The following KCNQ1 variants were observed in gnomAD, a reference collection of about 807,000 sequenced individuals.
KCNQ1 encodes the protein potassium voltage-gated channel subfamily KQT member 1.
In KCNQ1, 49 loss-of-function variants were observed where a neutral mutation model predicts 72.4. The ratio of observed to expected loss-of-function variants is 0.68; its 90% confidence interval spans 0.54 to 0.86. The LOEUF (loss-of-function observed/expected upper bound fraction) is 0.86. Ranked by LOEUF, KCNQ1 falls within the 40% of genes least tolerant of loss-of-function variation. KCNQ1 has a pLI of 0.00. For missense variants in KCNQ1, 790 were observed against 945.1 expected, an observed-to-expected ratio of 0.84 and a Z score of 2.15; for synonymous variants, 450 against 412.6, an observed-to-expected ratio of 1.09 and a Z score of -1.10.
At chr11:2,763,118 C>T (rs1448666325) in intron 11 of KCNQ1, among the ~76,000 whole-genome samples, 1 of 152,136 alleles carries the variant, frequency 6.6e-6, no homozygotes, top group Non-Finnish European at 1.5e-5. Flanking sequence ...ATATTTAATC[C>T]ACACCTCAAT....
chr11:2,767,998 C>T lies in KCNQ1; in HGVS notation c.1515-846C>T, dbSNP rs980387165. On this transcript the variant is annotated intron_variant, in intron 11 of 15. Coordinates refer to ENST00000155840, the MANE Select transcript of KCNQ1 (RefSeq NM_000218.3). This position sits in a 1 kb window ranked among gnomAD's most constrained non-coding sequence, Gnocchi z 4.6. Reference sequence around the variant, plus strand: ...ACAAGTGCCCTGAGGAGGAAACGCTCGGATGCAGGCGCAGCTCAGTTCATT... The same window carrying T: ...ACAAGTGCCCTGAGGAGGAAACGCTTGGATGCAGGCGCAGCTCAGTTCATT... Among the ~76,000 whole-genome samples the T allele has an allele frequency of 2.6e-5, 4 of 152,210 alleles. No homozygotes were observed. The highest frequency in any genetic ancestry group is 2.1e-4 in the South Asian group (1 of 4,826).
Position 2,652,372 on chromosome 11 carries a change from C to T in KCNQ1, c.1394-9589C>T, listed in dbSNP as rs1050441645. On this transcript the variant is annotated intron_variant, in intron 10 of 15. Transcript: ENST00000155840. This position sits in a 1 kb window ranked among gnomAD's most constrained non-coding sequence, Gnocchi z 5.9. ...GATGTTGTGATGAAGGTGAAAAGATCGCTCTTAATTAGATTAAAAACATTT... is the reference window on the plus strand; with the variant it reads ...GATGTTGTGATGAAGGTGAAAAGATTGCTCTTAATTAGATTAAAAACATTT... 8 of 398,494 alleles carry T rather than the reference C, an allele frequency of 2.0e-5. No homozygotes were observed. Among genetic ancestry groups the T allele is most frequent in the Non-Finnish European group, 3.5e-5 (8 of 226,078 alleles). 24.7% of individuals were successfully genotyped at this position (398,494 alleles called of 1,614,324 possible). A position where few individuals can be genotyped will look rare whatever the true frequency, so the allele number is the denominator to read the frequency against.
In KCNQ1 at chr11:2,583,572, C is replaced by G. The variant is rs541170114; in HGVS notation, c.1032+27C>G. ...TAGGTGCCCCGTGGGTGCGTTTTCC[C>G]TGGCTCCTTGGACAGCTGGGGTCCT... On this transcript the variant is annotated intron_variant, in intron 7 of 15. Coordinates refer to ENST00000155840, the MANE Select transcript of KCNQ1 (RefSeq NM_000218.3). The G allele has an allele frequency of 3.9e-5, 60 of 1,525,060 alleles. No homozygotes were observed. The South Asian group carries it at 6.4e-4, about 16-fold the overall frequency. 94.5% of individuals were successfully genotyped at this position (1,525,060 alleles called of 1,614,324 possible).
At chr11:2,667,031 A>T (rs1850085967) in intron 11 of KCNQ1, 2 of 398,660 alleles carry the variant, frequency 5.0e-6, no homozygotes, top group Non-Finnish European at 4.4e-6. Context: ...AGAGCCCCAC[A>T]TAGCCCCAGC....
chr11:2,684,462 CTA>C (rs1488134185), intron 11 of KCNQ1: 1 of 398,552 alleles, frequency 2.5e-6, no homozygotes, highest in Non-Finnish European at 4.4e-6. Flanking sequence ...GGCAAAAAGA[CTA>C]TGCTCCAGAA....
intron 11 of KCNQ1, chr11:2,694,943 C>T: frequency 2.5e-6 from 1 of 398,654 alleles, no homozygotes; most frequent in Non-Finnish European, 4.4e-6. Flanking sequence ...GGCCTTGGGG[C>T]AGGAGGGATA....
At chr11:2,575,187 G>A (rs964063422) in intron 6 of KCNQ1, among the ~76,000 whole-genome samples, 5 of 152,292 alleles carry the variant, frequency 3.3e-5, no homozygotes, top group African/African-American at 7.2e-5. Flanking sequence ...GCAGCAGAGC[G>A]GCACTCCCAC....
At chr11:2,500,337 AC>A (rs1846989353) in intron 1 of KCNQ1, among the ~76,000 whole-genome samples, 1 of 152,222 alleles carries the variant, frequency 6.6e-6, no homozygotes, top group Admixed American at 6.5e-5. Context: ...ACCATCTCAC[AC>A]CAGTTAGAAT....
rs1346642396 is a variant in KCNQ1, at chr11:2,550,285, C to T, written c.478-20343C>T. Among the ~76,000 whole-genome samples, 3 of 152,216 alleles carry T rather than the reference C, an allele frequency of 2.0e-5. No homozygotes were observed. The highest frequency in any genetic ancestry group is 2.9e-5 in the Non-Finnish European group (2 of 68,034). ...GAGAGGGTCTTTGCAGTTGCAGAGC[C>T]GTGGCGCGGCGCCTGGATTTCCGAC... On this transcript the variant is annotated intron_variant, in intron 2 of 15. Transcript: ENST00000155840. The surrounding 1 kb of genome is among the most constrained non-coding windows in gnomAD (Gnocchi z 6.0).
At chr11:2,681,718 A>G (rs1342558568) in intron 11 of KCNQ1, 2 of 389,118 alleles carry the variant, frequency 5.1e-6, no homozygotes, top group Admixed American at 4.9e-5. Context: ...CTGTTCCTCT[A>G]TTCAGTATTG....
chr11:2,609,977 C>G (rs1589979960), intron 10 of KCNQ1: 5 of 397,742 alleles, frequency 1.3e-5, no homozygotes, highest in Middle Eastern at 6.2e-4. Context: ...TAATTCCTGC[C>G]TTTGATTAGA....
rs550655084 is a variant in KCNQ1 at position 2,473,232 on chromosome 11, G to A, written c.386+27748G>A. Among the ~76,000 whole-genome samples the A allele has an allele frequency of 6.6e-6, 1 of 152,028 alleles. No individual in the cohort carries two copies. The highest frequency in any genetic ancestry group is 1.5e-5 in the Non-Finnish European group (1 of 67,986). On this transcript the variant is annotated intron_variant, in intron 1 of 15. Transcript: ENST00000155840. This position sits in a 1 kb window ranked among gnomAD's most constrained non-coding sequence, Gnocchi z 6.0. ...AAGGGGTGGGGCTGGCAGGGAGGGGGCTCCATTAATTCTGATGTCATTTAT... is the reference window on the plus strand; with the variant it reads ...AAGGGGTGGGGCTGGCAGGGAGGGGACTCCATTAATTCTGATGTCATTTAT...
chr11:2,673,477 T>A lies in KCNQ1; in HGVS notation c.1514+11396T>A. The stretch of plus-strand genomic sequence containing the variant: ...TTGAGCCGGAACACCTGAAAAGCCA[T>A]ACAGACTCCTGCTCATCACAACCAC... On this transcript the variant is annotated intron_variant, in intron 11 of 15. Transcript: ENST00000155840. This position sits in a 1 kb window ranked among gnomAD's most constrained non-coding sequence, Gnocchi z 4.5. The A allele has an allele frequency of 2.5e-6, 1 of 398,638 alleles. No individual in the cohort carries two copies. Among genetic ancestry groups the A allele is most frequent in the Middle Eastern group, 6.3e-4 (1 of 1,588 alleles). The allele number at this position is 398,638 out of a possible 1,614,324, so 24.7% of individuals were successfully genotyped here.
intron 6 of KCNQ1, among the ~76,000 whole-genome samples, chr11:2,578,900 A>G (rs1466594818): frequency 6.6e-6 from 1 of 152,146 alleles, no homozygotes; most frequent in Non-Finnish European, 1.5e-5. Context: ...GCCACTTTCT[A>G]ATGGGGAGCC....
chr11:2,472,063 T>A (rs1383817302), intron 1 of KCNQ1, among the ~76,000 whole-genome samples: 1 of 151,378 alleles, frequency 6.6e-6, no homozygotes, highest in Admixed American at 6.6e-5. Context: ...TGCACATGTG[T>A]GTAGGTGTGT....
chr11:2,845,189 CG>C (rs1848298983), intron 15 of KCNQ1, among the ~76,000 whole-genome samples: 2 of 152,152 alleles, frequency 1.3e-5, no homozygotes, highest in South Asian at 4.1e-4. Context: ...GACCTCAGGC[CG>C]GTCCCCCTCC....
chr11:2,770,916 G>A (rs1257653643), intron 12 of KCNQ1, among the ~76,000 whole-genome samples: 1 of 152,268 alleles, frequency 6.6e-6, no homozygotes, highest in African/African-American at 2.4e-5. Flanking sequence ...TCAGATCTGG[G>A]CAGGGCAGTC....
chr11:2,742,213 G>A (rs1340352703), intron 11 of KCNQ1, among the ~76,000 whole-genome samples: 2 of 152,238 alleles, frequency 1.3e-5, no homozygotes, highest in Non-Finnish European at 1.5e-5. Context: ...GGCTTGGGGG[G>A]TACCACCATG....
intron 2 of KCNQ1, among the ~76,000 whole-genome samples, chr11:2,553,451 G>A (rs988578608): frequency 4.6e-5 from 7 of 151,980 alleles, no homozygotes; most frequent in South Asian, 2.1e-4. Flanking sequence ...TTCCTGGTTT[G>A]CTGGGAATAG....
Sources: allele counts gnomAD v4.1 joint callset (sites outside exome capture counted in the v4.1 genomes callset), GRCh38; gene constraint gnomAD v4.1.1; non-coding constraint Gnocchi (gnomAD v3.1); transcripts MANE v1.5; gene names NCBI Gene and HGNC (gene_info 2026-07-23, HGNC 2026-07-21).